CXADR: variants seen among roughly 807,000 people sequenced by gnomAD.
The protein encoded by CXADR is CXADR cell adhesion molecule.
A neutral mutation model predicts 40.3 loss-of-function variants in CXADR; 20 were observed. That is an observed-to-expected ratio of 0.50 (90% CI 0.35 to 0.72). The LOEUF is 0.72. Ranked by LOEUF, CXADR falls within the 30% of genes least tolerant of loss-of-function variation. The pLI is 0.01. For synonymous variants in CXADR, 150 were observed against 161.3 expected, an observed-to-expected ratio of 0.93 and a Z score of 0.53; for missense variants, 332 against 449.1, an observed-to-expected ratio of 0.74 and a Z score of 2.36.
At chr21:17,631,221 C>T in the CXADR span, among the ~76,000 whole-genome samples, 6 of 152,194 alleles carry the variant, frequency 3.9e-5, no homozygotes, top group South Asian at 1.2e-3. Context: ...ATGACACTTA[C>T]GGTAGAATCA....
chr21:17,616,437 G>A, the CXADR span, among the ~76,000 whole-genome samples: 64 of 145,198 alleles, frequency 4.4e-4, no homozygotes, highest in Non-Finnish European at 8.8e-4. Flanking sequence ...CCAGGTTCAC[G>A]CCATTCTCCT....
At chr21:17,603,648 C>G in the CXADR span, among the ~76,000 whole-genome samples, 1 of 152,268 alleles carries the variant, frequency 6.6e-6, no homozygotes, top group South Asian at 2.1e-4. Flanking sequence ...TACCTCAAAA[C>G]CAAATAGAAA....
the CXADR span, among the ~76,000 whole-genome samples, chr21:17,626,431 A>G: frequency 6.6e-6 from 1 of 152,160 alleles, no homozygotes; most frequent in Non-Finnish European, 1.5e-5. Context: ...ACTCAATCAG[A>G]ATTAGAAGGG....
In CXADR at chr21:17,518,806, C is replaced by T. The variant is rs150078590; in HGVS notation, c.43+5634C>T. 2.0e-3 allele frequency: 3,060 copies of T among 1,567,984 alleles called. 64 individuals are homozygous for T. The South Asian group carries it at 0.027, about 14-fold the overall frequency. Reference sequence around the variant, plus strand: ...GGGATTGTTGAAGTGAATAACTGTCCCATCATCTTTAATCATGTTCATCTC... The same window carrying T: ...GGGATTGTTGAAGTGAATAACTGTCTCATCATCTTTAATCATGTTCATCTC... On this transcript the variant is annotated intron_variant, in intron 1 of 6. Transcript: ENST00000284878.
intron 7 of CXADR, among the ~76,000 whole-genome samples, chr21:17,579,879 T>C (rs534925684): frequency 5.1e-5 from 7 of 138,170 alleles, no homozygotes; most frequent in African/African-American, 1.6e-4. Context: ...CCTGTTGTAT[T>C]TTATTAAAAA....
the CXADR span, among the ~76,000 whole-genome samples, chr21:17,629,295 G>A: frequency 6.0e-5 from 9 of 150,384 alleles, no homozygotes; most frequent in South Asian, 2.1e-4. Context: ...TGGAAGGATC[G>A]CTTGAACCTG....
At position 17,525,501 on chromosome 21, in the gene CXADR, A is replaced by G. The variant is rs1342879671; in HGVS notation, c.43+12329A>G. 2.0e-5 allele frequency among the ~76,000 whole-genome samples: 3 copies of G among 152,200 alleles called. No homozygotes were observed. In the East Asian group the frequency reaches 5.8e-4, roughly 29 times the overall value. Reference sequence around the variant, plus strand: ...CCTTTGTTCAGTTGTTGGAGTGACTATCACTTATTCTCTTCAGTCTCTCTC... The same window carrying G: ...CCTTTGTTCAGTTGTTGGAGTGACTGTCACTTATTCTCTTCAGTCTCTCTC... On this transcript the variant is annotated intron_variant, in intron 1 of 6. Transcript: ENST00000284878.
chr21:17,588,476 A>G (rs1465323841), intron 7 of CXADR, among the ~76,000 whole-genome samples: 1 of 152,060 alleles, frequency 6.6e-6, no homozygotes, highest in Non-Finnish European at 1.5e-5. Context: ...ATTCGTAGGT[A>G]TTTTATTCTC....
Position 17,582,878 on chromosome 21 carries a change from T to C in CXADR, c.1018-10274T>C, listed in dbSNP as rs575044751. ...GTCACACACTATCCCAAGTTCAATG[T>C]TGGCTGCTGGCACTGTGCTCTTTTA... On this transcript the variant is annotated intron_variant, in intron 7 of 7. Transcript: ENST00000400169. 2.0e-4 allele frequency among the ~76,000 whole-genome samples: 30 copies of C among 152,364 alleles called. 3 individuals are homozygous for C. In the South Asian group the frequency reaches 6.2e-3, roughly 32 times the overall value.
chr21:17,529,438 A>G (rs1283598100), intron 1 of CXADR, among the ~76,000 whole-genome samples: 1 of 152,036 alleles, frequency 6.6e-6, no homozygotes, highest in Non-Finnish European at 1.5e-5. Flanking sequence ...CTCATGCCTC[A>G]ACCTGTTGAA....
At position 17,567,918 on chromosome 21, in the gene CXADR, T is replaced by A. The variant is rs1188431034; in HGVS notation, c.*2226T>A. Reference sequence around the variant, plus strand: ...GACTTCTCTTCCCATATACTTCATATTTTAGAGGACATTGTTTTAAAGGCT... The same window carrying A: ...GACTTCTCTTCCCATATACTTCATAATTTAGAGGACATTGTTTTAAAGGCT... On this transcript the variant is annotated 3_prime_UTR_variant, in exon 7 of 7. Transcript: ENST00000284878. The A allele has an allele frequency of 6.1e-6, 6 of 981,122 alleles. No homozygotes were observed. The highest frequency in any genetic ancestry group is 7.3e-6 in the Non-Finnish European group (6 of 826,322). 60.8% of individuals were successfully genotyped at this position (981,122 alleles called of 1,614,324 possible).
chr21:17,536,568 G>C (rs1300122093), intron 1 of CXADR, among the ~76,000 whole-genome samples: 1 of 152,056 alleles, frequency 6.6e-6, no homozygotes, highest in Non-Finnish European at 1.5e-5. Flanking sequence ...GGAGAAGGCT[G>C]ACTGAATAAG....
intron 1 of CXADR, among the ~76,000 whole-genome samples, chr21:17,531,418 A>G (rs2060674366): frequency 6.6e-6 from 1 of 152,046 alleles, no homozygotes; most frequent in South Asian, 2.1e-4. Flanking sequence ...TCTCATTATA[A>G]TTTTCTTTTC....
chr21:17,565,926 G>A lies in CXADR; in HGVS notation c.*234G>A. The A allele has an allele frequency of 8.3e-7, 1 of 1,200,666 alleles. No individual in the cohort carries two copies. Among genetic ancestry groups the A allele is most frequent in the Non-Finnish European group, 1.0e-6 (1 of 965,390 alleles). The allele number at this position is 1,200,666 out of a possible 1,614,324, so 74.4% of individuals were successfully genotyped here. A position where few individuals can be genotyped will look rare whatever the true frequency, so the allele number is the denominator to read the frequency against. Reference sequence around the variant, plus strand: ...TCTGAAAAAGCTGGATTTTCTTTAAGAGGTTGATTATAAAGTTTTCTAAAT... The same window carrying A: ...TCTGAAAAAGCTGGATTTTCTTTAAAAGGTTGATTATAAAGTTTTCTAAAT... On this transcript the variant is annotated 3_prime_UTR_variant, in exon 7 of 7. Coordinates refer to ENST00000284878, the MANE Select transcript of CXADR (RefSeq NM_001338.5).
intron 1 of CXADR, among the ~76,000 whole-genome samples, chr21:17,514,341 A>G (rs1339043669): frequency 6.6e-6 from 1 of 152,052 alleles, no homozygotes; most frequent in Non-Finnish European, 1.5e-5. Context: ...TCAACATTCT[A>G]TTAGCAAGTC....
At chr21:17,604,265 AC>A in the CXADR span, 16 of 323,780 alleles carry the variant, frequency 4.9e-5, no homozygotes, top group Admixed American at 1.0e-4. Flanking sequence ...ACATGGTGAA[AC>A]CCCATCTCTA....
chr21:17,547,339 G>A, intron 2 of CXADR, 146 bp downstream of exon 2: 1 of 1,142,362 alleles, frequency 8.8e-7, no homozygotes, highest in Non-Finnish European at 1.2e-6. Flanking sequence ...GGGTGAGGAA[G>A]GCAATTGCTC....
the CXADR span, chr21:17,605,022 A>G: frequency 6.2e-7 from 1 of 1,606,290 alleles, no homozygotes; most frequent in Admixed American, 1.7e-5. Context: ...AGTTACGTTA[A>G]TGGATTTAAA....
At chr21:17,598,520 T>G, downstream of CXADR, 1 of 1,025,254 alleles carries the variant, frequency 9.8e-7, no homozygotes, top group East Asian at 2.5e-5. Context: ...ATCCAGAATC[T>G]CAAGTCAGAA....
Sources: allele counts gnomAD v4.1 joint callset (sites outside exome capture counted in the v4.1 genomes callset), GRCh38; gene constraint gnomAD v4.1.1; transcripts MANE v1.5; gene names NCBI Gene and HGNC (gene_info 2026-07-23, HGNC 2026-07-21).